DLGAP1: variants seen among roughly 807,000 people sequenced by gnomAD.
DLGAP1 encodes the protein disks large-associated protein 1.
A neutral mutation model predicts 90.8 loss-of-function variants in DLGAP1; 11 were observed. The ratio of observed to expected loss-of-function variants is 0.12; its 90% CI spans 0.08 to 0.20. The LOEUF is 0.20. Among genes scored for constraint, DLGAP1 ranks in the 10% least tolerant of loss-of-function variants. DLGAP1 has a pLI of 1.00. For synonymous variants in DLGAP1, 558 were observed against 540.7 expected, an observed-to-expected ratio of 1.03 and a Z score of -0.44; for missense variants, 1,050 against 1,333.8, an observed-to-expected ratio of 0.79 and a Z score of 3.31.
At chr18:3,645,532 C>T (rs2146365645) in intron 7 of DLGAP1, among the ~76,000 whole-genome samples, 1 of 152,272 alleles carries the variant, frequency 6.6e-6, no homozygotes, top group East Asian at 1.9e-4. Flanking sequence ...TTTCATCCTT[C>T]TGTCTGTGTG....
Position 3,686,815 on chromosome 18 carries a change from C to T in DLGAP1, c.1591+42320G>A, listed in dbSNP as rs192721407. Among the ~76,000 whole-genome samples the T allele has an allele frequency of 2.7e-4, 41 of 152,260 alleles. No homozygotes were observed. The East Asian group carries it at 7.7e-3, about 29-fold the overall frequency. On this transcript the variant is annotated intron_variant, in intron 7 of 12. Transcript: ENST00000315677. ...GTGGGAGGCAGAATAATGCCCCTCC[C>T]CCAGAGATACATAAGTTCTAATCCT...
intron 7 of DLGAP1, chr18:3,607,330 A>G (rs1203129215): frequency 6.6e-6 from 1 of 151,714 alleles, no homozygotes; most frequent in Non-Finnish European, 1.5e-5. Flanking sequence ...ATAATATTTT[A>G]TATTTTTTGT....
chr18:4,155,319 A>G (rs910001382), intron 1 of DLGAP1, among the ~76,000 whole-genome samples: 1 of 152,200 alleles, frequency 6.6e-6, no homozygotes, highest in Non-Finnish European at 1.5e-5. Flanking sequence ...ACTGATGAAA[A>G]TAAGTCGCAA....
At chr18:3,649,541 C>G (rs1383755555) in intron 7 of DLGAP1, among the ~76,000 whole-genome samples, 1 of 152,182 alleles carries the variant, frequency 6.6e-6, no homozygotes, top group Non-Finnish European at 1.5e-5. Flanking sequence ...CACCTACTGC[C>G]TTCCGTACAC....
At chr18:3,974,287 G>A (rs4797131) in intron 3 of DLGAP1, among the ~76,000 whole-genome samples, 59,876 of 151,698 alleles carry the variant, frequency 0.39, 12,019 homozygotes, top group Non-Finnish European at 0.42. Flanking sequence ...TGTTGGCCAG[G>A]ATAGTCTCAA....
At chr18:3,799,521 G>C (rs2066185649) in intron 5 of DLGAP1, among the ~76,000 whole-genome samples, 1 of 149,248 alleles carries the variant, frequency 6.7e-6, no homozygotes, top group Non-Finnish European at 1.5e-5. Flanking sequence ...TTTAAATACA[G>C]GAAACACAAA....
intron 7 of DLGAP1, among the ~76,000 whole-genome samples, chr18:3,642,356 AG>A (rs2058971283): frequency 1.3e-5 from 2 of 152,342 alleles, no homozygotes; most frequent in Admixed American, 6.5e-5. Context: ...GTGCTCAAAA[AG>A]TTTCAGATTT....
intron 1 of DLGAP1, among the ~76,000 whole-genome samples, chr18:4,222,690 T>C (rs988552514): frequency 6.6e-6 from 1 of 151,568 alleles, no homozygotes; most frequent in African/African-American, 2.4e-5. Context: ...AGAGTTTGTT[T>C]TGCCAGTGGT....
intron 1 of DLGAP1, among the ~76,000 whole-genome samples, chr18:4,428,109 C>A (rs1462913290): frequency 6.6e-6 from 1 of 152,182 alleles, no homozygotes; most frequent in African/African-American, 2.4e-5. Flanking sequence ...CTGCTTGATA[C>A]AGTTTAAATC....
intron 1 of DLGAP1, among the ~76,000 whole-genome samples, chr18:4,243,059 C>A (rs956027388): frequency 6.6e-6 from 1 of 152,156 alleles, no homozygotes. Flanking sequence ...AGTTGACTCA[C>A]CTGCCCTCTC....
chr18:4,249,223 G>A (rs2078724153), intron 1 of DLGAP1, among the ~76,000 whole-genome samples: 1 of 152,128 alleles, frequency 6.6e-6, no homozygotes, highest in African/African-American at 2.4e-5. Flanking sequence ...ACAAATTTCA[G>A]CCTCTTTTGC....
intron 3 of DLGAP1, chr18:3,977,757 C>A: frequency 5.6e-6 from 2 of 355,808 alleles, no homozygotes; most frequent in South Asian, 5.0e-5. Flanking sequence ...CAATGCCCAC[C>A]CCAGCTTTGA....
chr18:4,180,388 C>A (rs2077186447), intron 1 of DLGAP1, among the ~76,000 whole-genome samples: 1 of 152,066 alleles, frequency 6.6e-6, no homozygotes, highest in Non-Finnish European at 1.5e-5. Context: ...CCAGTCACCC[C>A]AAAGACATTA....
At chr18:4,387,930 TAC>T (rs1171436413) in intron 1 of DLGAP1, among the ~76,000 whole-genome samples, 73 of 123,330 alleles carry the variant, frequency 5.9e-4, no homozygotes, top group African/African-American at 2.1e-3. Context: ...CCATCACACA[TAC>T]ACACACACAC....
At chr18:3,717,566 G>T (rs2061807710) in intron 7 of DLGAP1, among the ~76,000 whole-genome samples, 1 of 152,154 alleles carries the variant, frequency 6.6e-6, no homozygotes, top group African/African-American at 2.4e-5. Flanking sequence ...TCCTCAAAGT[G>T]GTTTGGGGTG....
At chr18:3,617,719 C>T (rs1267421071) in intron 7 of DLGAP1, among the ~76,000 whole-genome samples, 1 of 151,744 alleles carries the variant, frequency 6.6e-6, no homozygotes, top group African/African-American at 2.4e-5. Flanking sequence ...TTGTGAAAAA[C>T]ACATCTGCAA....
At chr18:3,587,774 C>T (rs1163669029) in intron 7 of DLGAP1, among the ~76,000 whole-genome samples, 2 of 152,262 alleles carry the variant, frequency 1.3e-5, no homozygotes, top group East Asian at 1.9e-4. Flanking sequence ...GAGGAACAAA[C>T]AACTCCGCAC....
At chr18:4,304,937 A>G (rs940210793) in intron 1 of DLGAP1, among the ~76,000 whole-genome samples, 2 of 151,974 alleles carry the variant, frequency 1.3e-5, no homozygotes, top group African/African-American at 4.8e-5. Flanking sequence ...GTCTCAAAAA[A>G]AAAAAAAAGT....
At chr18:4,361,748 T>C (rs2144105445) in intron 1 of DLGAP1, among the ~76,000 whole-genome samples, 1 of 152,152 alleles carries the variant, frequency 6.6e-6, no homozygotes, top group South Asian at 2.1e-4. Context: ...TATCAATTTT[T>C]AAAAAACTGT....
Sources: allele counts gnomAD v4.1 joint callset (sites outside exome capture counted in the v4.1 genomes callset), GRCh38; gene constraint gnomAD v4.1.1; transcripts MANE v1.5; gene names NCBI Gene and HGNC (gene_info 2026-07-23, HGNC 2026-07-21).